The following PLEKHA7 variants were observed in gnomAD, a reference collection of about 807,000 sequenced individuals.
PLEKHA7 encodes the protein pleckstrin homology domain containing A7.
A neutral mutation model predicts 170.0 loss-of-function variants in PLEKHA7; 104 were observed. The observed-to-expected ratio is 0.61, with a 90% CI of 0.52 to 0.72. PLEKHA7 has a LOEUF of 0.72. Ranked by LOEUF, PLEKHA7 falls within the 30% of genes least tolerant of loss-of-function variation. PLEKHA7 has a pLI of 0.00. For missense variants in PLEKHA7, 1,615 were observed against 1,671.7 expected (o/e 0.97, Z 0.59); for synonymous variants, 648 against 660.8 (o/e 0.98, Z 0.30).
chr11:17,005,929 T>C (rs909408184), intron 3 of PLEKHA7, among the ~76,000 whole-genome samples: 1 of 152,216 alleles, frequency 6.6e-6, no homozygotes, highest in African/African-American at 2.4e-5. Flanking sequence ...GGAAAACCTT[T>C]CTTAACCTTC....
intron 3 of PLEKHA7, among the ~76,000 whole-genome samples, chr11:16,952,460 C>T (rs1861464584): frequency 6.6e-6 from 1 of 152,124 alleles, no homozygotes; most frequent in Non-Finnish European, 1.5e-5. Flanking sequence ...TGACAACCTC[C>T]AGACTTTCAT....
chr11:16,964,364 C>T (rs183356440), intron 3 of PLEKHA7, among the ~76,000 whole-genome samples: 13 of 152,236 alleles, frequency 8.5e-5, no homozygotes, highest in Non-Finnish European at 1.5e-4. Flanking sequence ...CAGGGTAATG[C>T]TATTTAGATT....
At chr11:16,931,954 A>G (rs2136331381) in intron 3 of PLEKHA7, among the ~76,000 whole-genome samples, 2 of 152,322 alleles carry the variant, frequency 1.3e-5, no homozygotes, top group Non-Finnish European at 2.9e-5. Context: ...TAAATTTTAA[A>G]AGGATGAAGA....
chr11:16,794,752 C>A (rs1848101362), intron 18 of PLEKHA7, 38 bp from the exon 19 acceptor site: 2 of 1,595,774 alleles, frequency 1.3e-6, no homozygotes, highest in Admixed American at 3.3e-5. Flanking sequence ...CGGGATGGAA[C>A]AAAGACCCCC....
chr11:16,830,143 T>C (rs1047015900), intron 9 of PLEKHA7, among the ~76,000 whole-genome samples: 6 of 146,288 alleles, frequency 4.1e-5, no homozygotes, highest in African/African-American at 1.6e-4. Flanking sequence ...CATGTCTGGC[T>C]AATTTTTAAT....
At chr11:16,941,814 T>C (rs977026126) in intron 3 of PLEKHA7, among the ~76,000 whole-genome samples, 1 of 152,186 alleles carries the variant, frequency 6.6e-6, no homozygotes, top group Non-Finnish European at 1.5e-5. Flanking sequence ...TGTCAAAACC[T>C]AATACATAAA....
chr11:16,781,619 G>A (rs530388689), intron 26 of PLEKHA7, among the ~76,000 whole-genome samples: 1 of 152,192 alleles, frequency 6.6e-6, no homozygotes, highest in Non-Finnish European at 1.5e-5. Flanking sequence ...AAGGGACAGA[G>A]GACAGCCAAG....
chr11:16,867,348 G>A (rs1056807695), intron 4 of PLEKHA7, among the ~76,000 whole-genome samples: 8 of 152,154 alleles, frequency 5.3e-5, no homozygotes, highest in African/African-American at 7.2e-5. Flanking sequence ...TTTGAGAACC[G>A]CTGCTCCAGA....
chr11:16,937,351 T>G (rs1565134599), intron 3 of PLEKHA7, among the ~76,000 whole-genome samples: 2 of 152,158 alleles, frequency 1.3e-5, no homozygotes, highest in Non-Finnish European at 2.9e-5. Flanking sequence ...AGGTATATAG[T>G]CTAGTAGAGA....
At chr11:16,888,534 T>C (rs1310813586) in intron 3 of PLEKHA7, among the ~76,000 whole-genome samples, 35 of 150,682 alleles carry the variant, frequency 2.3e-4, no homozygotes, top group South Asian at 2.2e-3. Context: ...TGTTAATCTA[T>C]AACCTTACCC....
chr11:16,960,276 C>T (rs1385174380), intron 3 of PLEKHA7, among the ~76,000 whole-genome samples: 1 of 152,212 alleles, frequency 6.6e-6, no homozygotes, highest in East Asian at 1.9e-4. Context: ...GTCCCACCCG[C>T]CCTGGAGAAA....
At chr11:16,894,024 C>T (rs948898187) in intron 3 of PLEKHA7, among the ~76,000 whole-genome samples, 1 of 152,198 alleles carries the variant, frequency 6.6e-6, no homozygotes, top group South Asian at 2.1e-4. Flanking sequence ...GCAAAGCCTC[C>T]TCTTTCCAAC....
At chr11:16,855,228 AAAAGGAATTTTTCAATCAACTTTCAGCAG>A (rs1450856245) in intron 5 of PLEKHA7, among the ~76,000 whole-genome samples, 1 of 152,160 alleles carries the variant, frequency 6.6e-6, no homozygotes, top group Admixed American at 6.5e-5. Flanking sequence ...AAAAAAAATT[AAAAGGAATTTTTCAATCAACTTTCAGCAG>A]CAGCTGTTGG....
intron 3 of PLEKHA7, among the ~76,000 whole-genome samples, chr11:16,888,087 C>T (rs1455572139): frequency 6.6e-6 from 1 of 151,584 alleles, no homozygotes; most frequent in Non-Finnish European, 1.5e-5. Context: ...CCGGCCGCCC[C>T]ATCTGAGAAG....
At position 16,791,010 on chromosome 11, in the gene PLEKHA7, C is replaced by A; in HGVS notation, c.2934+1G>T. ...TGGCAGCCCCAGGGTCCCCCGCTCA[C>A]CCTGGAATCCCCATTCACACACTGC... On this transcript the variant is annotated splice_donor_variant, in intron 20 of 26. Transcript: ENST00000531066. LOFTEE classifies it high-confidence loss of function. This position sits in a 1 kb window ranked among gnomAD's most constrained non-coding sequence, Gnocchi z 4.5. 6.2e-7 allele frequency: 1 copy of A among 1,614,092 alleles called. No individual in the cohort carries two copies.
chr11:16,858,447 C>T (rs1027533248), intron 4 of PLEKHA7, among the ~76,000 whole-genome samples: 26 of 151,850 alleles, frequency 1.7e-4, no homozygotes, highest in Non-Finnish European at 5.9e-5. Context: ...AAATCCAGGA[C>T]AAATAGCTAC....
At chr11:16,936,262 C>G (rs1446911529) in intron 3 of PLEKHA7, among the ~76,000 whole-genome samples, 2 of 151,690 alleles carry the variant, frequency 1.3e-5, no homozygotes, top group African/African-American at 4.8e-5. Flanking sequence ...ATGAGCCAGG[C>G]GTGGTGGCAG....
rs1398401544 is a variant in PLEKHA7 at position 16,939,533 on chromosome 11, T to TA, written c.222-68352dup. On this transcript the variant is annotated intron_variant, in intron 3 of 26. Transcript: ENST00000531066. ...TTTAAAAATTTACGTATTTAGTTTTTATTGAGTCAATTTAAAGAAAAATAC... is the reference window on the plus strand; with the variant it reads ...TTTAAAAATTTACGTATTTAGTTTTTAATTGAGTCAATTTAAAGAAAAATAC... 2.6e-5 allele frequency among the ~76,000 whole-genome samples: 4 copies of TA among 152,374 alleles called. No homozygotes were observed. In the East Asian group the frequency reaches 7.7e-4, roughly 29 times the overall value.
intron 13 of PLEKHA7, among the ~76,000 whole-genome samples, chr11:16,805,422 CT>C (rs527888075): frequency 1.6e-4 from 24 of 152,074 alleles, no homozygotes; most frequent in South Asian, 1.2e-3. Context: ...TACATTCAAC[CT>C]TTTTTTTCTC....
Sources: allele counts gnomAD v4.1 joint callset (sites outside exome capture counted in the v4.1 genomes callset), GRCh38; gene constraint gnomAD v4.1.1; non-coding constraint Gnocchi (gnomAD v3.1); transcripts MANE v1.5; gene names NCBI Gene and HGNC (gene_info 2026-07-23, HGNC 2026-07-21).